The following DCBLD2 variants were observed in gnomAD, a reference collection of about 807,000 sequenced individuals.
DCBLD2 encodes discoidin, CUB and LCCL domain-containing protein 2.
Under a neutral mutation model 86.8 loss-of-function variants are expected in DCBLD2, and 54 were observed. The observed-to-expected ratio is 0.62, with a 90% CI of 0.50 to 0.78. The LOEUF is 0.78. Ranked by LOEUF, DCBLD2 falls within the 30% of genes least tolerant of loss-of-function variation. DCBLD2 has a pLI of 0.00. For synonymous variants in DCBLD2, 354 were observed against 341.3 expected, an observed-to-expected ratio of 1.04 and a Z score of -0.41; for missense variants, 908 against 954.2, an observed-to-expected ratio of 0.95 and a Z score of 0.64.
chr3:98,806,039 T>C (rs1941832092), intron 13 of DCBLD2, among the ~76,000 whole-genome samples: 1 of 152,224 alleles, frequency 6.6e-6, no homozygotes, highest in Non-Finnish European at 1.5e-5. Flanking sequence ...ATTTATGTTG[T>C]GTCTCATTTT....
chr3:98,828,977 G>A (rs542143081), intron 3 of DCBLD2, among the ~76,000 whole-genome samples: 17 of 152,158 alleles, frequency 1.1e-4, no homozygotes, highest in Non-Finnish European at 2.4e-4. Flanking sequence ...GCAATAAAAA[G>A]TAGATTCGTG....
rs115330244 is a variant in DCBLD2, at chr3:98,801,605, C to T, written c.1715G>A (p.Arg572Gln). 327 of 1,609,598 alleles carry T rather than the reference C, an allele frequency of 2.0e-4. 1 individual carries two copies. In the African/African-American group the frequency reaches 2.8e-3, roughly 14 times the overall value. ...GCAAAGACCACGTGAGTTACCTGCC[C>T]GGTCCCAGTAAGGTAAGTCATAGGT... Reference protein sequence around the residue: ...EGTYDLPYWDRAGWWKGMKQF... With the variant: ...EGTYDLPYWDQAGWWKGMKQF... Residue 572 changes from arginine (R) to glutamine (Q), a missense_variant, in exon 14 of 16, where the codon CGG (arginine) becomes CAG (glutamine). Physicochemically the swap from Arg to Gln is conservative, Grantham distance 43. Around this residue, in one of 3 missense-constraint regions of DCBLD2, gnomAD observed 606 missense variants for 678.5 expected, o/e 0.89. Coordinates refer to ENST00000326840, the MANE Select transcript of DCBLD2 (RefSeq NM_080927.4).
intron 1 of DCBLD2, among the ~76,000 whole-genome samples, chr3:98,895,929 G>C (rs1288202036): frequency 6.6e-6 from 1 of 152,260 alleles, no homozygotes; most frequent in East Asian, 1.9e-4. Context: ...TTCTTAATGA[G>C]AGAATGATAA....
At chr3:98,877,701 T>G (rs1205927763) in intron 2 of DCBLD2, among the ~76,000 whole-genome samples, 1 of 152,192 alleles carries the variant, frequency 6.6e-6, no homozygotes, top group Non-Finnish European at 1.5e-5. Context: ...GACATTGATT[T>G]CTAATACCAT....
intron 2 of DCBLD2, among the ~76,000 whole-genome samples, chr3:98,879,845 C>T (rs575717609): frequency 1.3e-5 from 2 of 152,208 alleles, no homozygotes; most frequent in East Asian, 1.9e-4. Flanking sequence ...TTAGTCCTTA[C>T]ACTCAGTAGA....
intron 3 of DCBLD2, among the ~76,000 whole-genome samples, chr3:98,847,760 A>G (rs1281157139): frequency 3.3e-5 from 5 of 152,214 alleles, no homozygotes; most frequent in African/African-American, 1.2e-4. Flanking sequence ...TCAATGCTGA[A>G]TATCAAAATA....
rs1941937298 is a variant in DCBLD2 at position 98,811,458 on chromosome 3, A to G, written c.1450+10T>C. 6.2e-7 allele frequency: 1 copy of G among 1,613,448 alleles called. No individual in the cohort carries two copies. On this transcript the variant is annotated intron_variant, in intron 11 of 15. Coordinates refer to ENST00000326840, the MANE Select transcript of DCBLD2 (RefSeq NM_080927.4). ...GGAATATCAAATTCTCACATTAAAA[A>G]CAGGCATACCTTTGGCTATTTTTGG...
chr3:98,836,709 T>C (rs1942462754), intron 3 of DCBLD2, among the ~76,000 whole-genome samples: 1 of 70,272 alleles, frequency 1.4e-5, no homozygotes, highest in Non-Finnish European at 3.3e-5. Context: ...ACGGGGCGGC[T>C]GGCCGGGCGG....
At position 98,817,888 on chromosome 3, in the gene DCBLD2, T is replaced by C; in HGVS notation, c.1093A>G (p.Ile365Val). Residue 365 changes from isoleucine (I) to valine (V), a missense_variant, in exon 9 of 16, where the codon ATA becomes GTA. Around this residue, in one of 3 missense-constraint regions of DCBLD2, gnomAD observed 606 missense variants for 678.5 expected, o/e 0.89. Coordinates refer to ENST00000326840, the MANE Select transcript of DCBLD2 (RefSeq NM_080927.4). ...LNKEKKITGI[I>V]TTGSTMVEHN... The stretch of plus-strand genomic sequence containing the variant: ...TCCACCATGGTGGATCCAGTGGTTA[T>C]AATGCCTGGGGAATGAAGAGTTGCT... 1 of 1,613,182 alleles carries C rather than the reference T, an allele frequency of 6.2e-7. No homozygotes were observed. The highest frequency in any genetic ancestry group is 8.5e-7 in the Non-Finnish European group (1 of 1,179,398).
intron 12 of DCBLD2, among the ~76,000 whole-genome samples, chr3:98,809,766 C>T (rs185505868): frequency 2.6e-5 from 4 of 152,148 alleles, no homozygotes; most frequent in Non-Finnish European, 5.9e-5. Flanking sequence ...TACAGAGGCA[C>T]AAATCTGACC....
intron 2 of DCBLD2, among the ~76,000 whole-genome samples, chr3:98,861,078 G>A (rs1216478385): frequency 6.6e-6 from 1 of 152,136 alleles, no homozygotes; most frequent in African/African-American, 2.4e-5. Context: ...TGCAATCCTA[G>A]TCTCTGATAA....
intron 2 of DCBLD2, among the ~76,000 whole-genome samples, chr3:98,856,797 A>G (rs567245958): frequency 1.8e-4 from 27 of 152,330 alleles, no homozygotes; most frequent in Admixed American, 7.2e-4. Context: ...AAAGTGCACA[A>G]GGAATTACAG....
intron 1 of DCBLD2, among the ~76,000 whole-genome samples, chr3:98,898,358 G>T (rs1010145599): frequency 2.7e-5 from 4 of 150,276 alleles, no homozygotes; most frequent in African/African-American, 9.8e-5. Context: ...ATGTCAGAAA[G>T]AAAAAAGACA....
intron 3 of DCBLD2, among the ~76,000 whole-genome samples, chr3:98,827,504 G>GC (rs1459808959): frequency 6.6e-6 from 1 of 152,194 alleles, no homozygotes; most frequent in Non-Finnish European, 1.5e-5. Context: ...GTAAGTGCAT[G>GC]CAGTGCTGAG....
chr3:98,843,967 ATGTTT>A (rs983771421), intron 3 of DCBLD2, among the ~76,000 whole-genome samples: 4 of 151,408 alleles, frequency 2.6e-5, no homozygotes, highest in South Asian at 2.1e-4. Context: ...ATTCAGTATT[ATGTTT>A]TAAGTGACAA....
At chr3:98,832,490 GATT>G (rs1253839053) in intron 3 of DCBLD2, among the ~76,000 whole-genome samples, 1 of 152,222 alleles carries the variant, frequency 6.6e-6, no homozygotes, top group Non-Finnish European at 1.5e-5. Flanking sequence ...GTTGTTAGCT[GATT>G]ATTATGCTGG....
At chr3:98,849,662 G>A in intron 2 of DCBLD2, 64 bp from the exon 3 acceptor site, 6 of 1,535,232 alleles carry the variant, frequency 3.9e-6, no homozygotes, top group Non-Finnish European at 4.4e-6. Flanking sequence ...TATTTGCAAT[G>A]TAGATAACAG....
chr3:98,838,947 T>A (rs13089204), intron 3 of DCBLD2, among the ~76,000 whole-genome samples: 63,052 of 147,018 alleles, frequency 0.43, 13,712 homozygotes, highest in African/African-American at 0.45. Flanking sequence ...GAGGCAGGAG[T>A]ATCAGGCAGG....
intron 9 of DCBLD2, 73 bp downstream of exon 9, chr3:98,817,695 AC>A: frequency 6.9e-7 from 1 of 1,458,204 alleles, no homozygotes; most frequent in South Asian, 1.2e-5. Flanking sequence ...TCTCTTTTAT[AC>A]AGGAGAGCTC....
Sources: allele counts gnomAD v4.1 joint callset (sites outside exome capture counted in the v4.1 genomes callset), GRCh38; gene constraint gnomAD v4.1.1; regional missense constraint gnomAD v4.1.1; transcripts MANE v1.5; gene names NCBI Gene and HGNC (gene_info 2026-07-23, HGNC 2026-07-21).